Variants in APBB2 observed in about 807,000 individuals in gnomAD.
The protein encoded by APBB2 is Fe65-like 1.
In APBB2, 38 loss-of-function variants were observed where a neutral mutation model predicts 82.5. That is an observed-to-expected ratio of 0.46 (90% CI 0.36 to 0.60). The LOEUF is 0.60. Ranked by LOEUF, APBB2 falls within the 20% of genes least tolerant of loss-of-function variation. The pLI is 0.00. For synonymous variants in APBB2, 341 were observed against 368.2 expected, an observed-to-expected ratio of 0.93 and a Z score of 0.85; for missense variants, 772 against 972.3, an observed-to-expected ratio of 0.79 and a Z score of 2.74.
At chr4:41,045,316 T>A (rs1269208471) in intron 4 of APBB2, among the ~76,000 whole-genome samples, 1 of 152,076 alleles carries the variant, frequency 6.6e-6, no homozygotes, top group African/African-American at 2.4e-5. Context: ...TTTTTTGAGA[T>A]GGAGTCTCGC....
chr4:41,209,108 G>T (rs1429522412), intron 1 of APBB2, among the ~76,000 whole-genome samples: 2 of 152,018 alleles, frequency 1.3e-5, no homozygotes, highest in Admixed American at 6.6e-5. Flanking sequence ...CTAATGTCTG[G>T]AGTTAATGAC....
intron 1 of APBB2, among the ~76,000 whole-genome samples, chr4:41,203,763 C>T (rs558506750): frequency 1.6e-4 from 25 of 152,266 alleles, no homozygotes; most frequent in South Asian, 1.2e-3. Context: ...TTTCCTGGGC[C>T]GTCTCCCTTT....
At chr4:41,011,889 GTC>G (rs1808469353) in intron 6 of APBB2, among the ~76,000 whole-genome samples, 1 of 152,060 alleles carries the variant, frequency 6.6e-6, no homozygotes, top group Admixed American at 6.6e-5. Context: ...TTGAAACAGA[GTC>G]TCGCTCGATC....
Position 40,832,758 on chromosome 4 carries a change from T to C in APBB2, c.1530-2181A>G, listed in dbSNP as rs1752473400. On this transcript the variant is annotated intron_variant, in intron 12 of 17. Coordinates refer to ENST00000508593, the MANE Select transcript of APBB2 (RefSeq NM_004307.2). The surrounding 1 kb of genome is among the most constrained non-coding windows in gnomAD (Gnocchi z 4.8). ...GGCACAGCAAGTGTCTGAGTGTGTCTTCCCCTCAACACTCTGCAGCTCCAT... is the reference window on the plus strand; with the variant it reads ...GGCACAGCAAGTGTCTGAGTGTGTCCTCCCCTCAACACTCTGCAGCTCCAT... Among the ~76,000 whole-genome samples the C allele has an allele frequency of 6.6e-6, 1 of 152,208 alleles. No individual in the cohort carries two copies. The highest frequency in any genetic ancestry group is 2.1e-4 in the South Asian group (1 of 4,830).
rs1196526833 is a variant in APBB2, at chr4:40,988,556, T to C, written c.835+25027A>G. ...GGGAGGCTGAGGCAGGAGAATCACT[T>C]GAACCCAGGAGGCGGAGATTGAAGT... is the stretch of plus-strand genomic sequence containing the variant. On this transcript the variant is annotated intron_variant, in intron 6 of 17. Coordinates refer to ENST00000508593, the MANE Select transcript of APBB2 (RefSeq NM_004307.2). 1.1e-4 allele frequency among the ~76,000 whole-genome samples: 15 copies of C among 140,602 alleles called. No individual in the cohort carries two copies. In the Middle Eastern group the frequency reaches 0.012, roughly 115 times the overall value. 92.2% of individuals were successfully genotyped at this position (140,602 alleles called of 152,430 possible).
intron 5 of APBB2, among the ~76,000 whole-genome samples, chr4:41,024,305 A>T (rs1454127622): frequency 1.3e-5 from 2 of 152,230 alleles, no homozygotes; most frequent in East Asian, 3.9e-4. Context: ...ACCAAAAGCG[A>T]TCAAAACAAA....
At chr4:40,993,999 C>T (rs756093128) in intron 6 of APBB2, among the ~76,000 whole-genome samples, 46 of 152,032 alleles carry the variant, frequency 3.0e-4, no homozygotes, top group Non-Finnish European at 2.8e-4. Context: ...TAAAGAAACA[C>T]CTAGGAGAGG....
chr4:41,044,160 T>C (rs1385314301), intron 4 of APBB2, among the ~76,000 whole-genome samples: 1 of 152,226 alleles, frequency 6.6e-6, no homozygotes, highest in East Asian at 1.9e-4. Flanking sequence ...GGAAAAATTT[T>C]AGGAGATGCT....
At chr4:41,133,807 G>A (rs1756766542) in intron 2 of APBB2, among the ~76,000 whole-genome samples, 1 of 152,068 alleles carries the variant, frequency 6.6e-6, no homozygotes, top group Non-Finnish European at 1.5e-5. Context: ...TAAGGGGGAG[G>A]GGAAGCCAGG....
intron 2 of APBB2, among the ~76,000 whole-genome samples, chr4:41,112,763 G>A (rs1749647814): frequency 6.6e-6 from 1 of 152,180 alleles, no homozygotes; most frequent in Non-Finnish European, 1.5e-5. Flanking sequence ...GCCAAGGCGG[G>A]TGGATCATGA....
At chr4:41,091,536 C>A (rs936851949) in intron 3 of APBB2, among the ~76,000 whole-genome samples, 1 of 152,162 alleles carries the variant, frequency 6.6e-6, no homozygotes, top group Non-Finnish European at 1.5e-5. Context: ...AGCAACATAT[C>A]ATATACTCTT....
At chr4:40,984,016 T>A (rs1320297182) in intron 6 of APBB2, among the ~76,000 whole-genome samples, 1 of 152,186 alleles carries the variant, frequency 6.6e-6, no homozygotes, top group Non-Finnish European at 1.5e-5. Context: ...AACCATCTGG[T>A]TAAAGTGCTG....
At chr4:41,167,574 T>C (rs751839010) in intron 1 of APBB2, among the ~76,000 whole-genome samples, 15 of 152,234 alleles carry the variant, frequency 9.9e-5, no homozygotes, top group Non-Finnish European at 1.9e-4. Flanking sequence ...GTAGTGCCTA[T>C]GCATATTTTA....
At chr4:41,003,807 G>A (rs1427956842) in intron 6 of APBB2, among the ~76,000 whole-genome samples, 1 of 152,188 alleles carries the variant, frequency 6.6e-6, no homozygotes, top group African/African-American at 2.4e-5. Context: ...CCGTCTCCTG[G>A]GGTCAAGCAA....
intron 3 of APBB2, among the ~76,000 whole-genome samples, chr4:41,098,108 C>CT (rs1327457432): frequency 6.6e-6 from 1 of 151,014 alleles, no homozygotes; most frequent in Non-Finnish European, 1.5e-5. Context: ...ATAACCTTCT[C>CT]TTTTTTTAAC....
chr4:40,994,820 A>G (rs1210168045), intron 6 of APBB2, among the ~76,000 whole-genome samples: 1 of 151,600 alleles, frequency 6.6e-6, no homozygotes, highest in African/African-American at 2.4e-5. Context: ...GGAAAAAAAA[A>G]AAAAGAAAAG....
intron 6 of APBB2, among the ~76,000 whole-genome samples, chr4:40,953,233 T>C (rs1340152590): frequency 2.0e-5 from 3 of 149,506 alleles, no homozygotes; most frequent in Non-Finnish European, 4.4e-5. Context: ...GGGAGGTAGG[T>C]TGCAGTCAGC....
Position 41,156,803 on chromosome 4 carries a change from C to T in APBB2, c.-416-13661G>A, listed in dbSNP as rs141337127. Among the ~76,000 whole-genome samples, 1,324 of 152,206 alleles carry T rather than the reference C, an allele frequency of 8.7e-3. 32 individuals are homozygous for T. Among genetic ancestry groups the T allele is most frequent in the African/African-American group, 0.031 (1,275 of 41,530 alleles). ...GAATCAGACGGGGCACAGTGGCTCA[C>T]GCCTGTAATCTCAGCACTTTGTGAG... On this transcript the variant is annotated intron_variant, in intron 1 of 17. Coordinates refer to ENST00000508593, the MANE Select transcript of APBB2 (RefSeq NM_004307.2).
intron 17 of APBB2, among the ~76,000 whole-genome samples, chr4:40,821,210 G>A (rs556194247): frequency 6.6e-6 from 1 of 152,322 alleles, no homozygotes; most frequent in South Asian, 2.1e-4. Context: ...TCTGGCATAA[G>A]AGGGGCACAA....
Sources: gnomAD v4.1 joint callset for allele counts (sites outside exome capture counted in the v4.1 genomes callset) on GRCh38, gnomAD v4.1.1 for gene constraint, Gnocchi (gnomAD v3.1) non-coding constraint, MANE v1.5 for transcripts, NCBI Gene and HGNC (gene_info 2026-07-23, HGNC 2026-07-21) for gene names.